The following FOXN3 variants were observed in gnomAD, a reference collection of about 807,000 sequenced individuals.
FOXN3 encodes forkhead box N3.
A neutral mutation model predicts 38.4 loss-of-function variants in FOXN3; 7 were observed. That is an observed-to-expected ratio of 0.18 (90% CI 0.10 to 0.34). The LOEUF (loss-of-function observed/expected upper bound fraction) is 0.34. Among genes scored for constraint, FOXN3 ranks in the 10% least tolerant of loss-of-function variants. The pLI, the probability that FOXN3 is intolerant of heterozygous loss-of-function variation, is 1.00. For missense variants in FOXN3, 456 were observed against 613.4 expected (o/e 0.74, Z 2.71); for synonymous variants, 230 against 242.2 (o/e 0.95, Z 0.47).
chr14:89,349,244 G>A (rs553004274), intron 3 of FOXN3, among the ~76,000 whole-genome samples: 1 of 152,288 alleles, frequency 6.6e-6, no homozygotes, highest in Non-Finnish European at 1.5e-5. Context: ...CCAAGCATAT[G>A]GCTCTGTCCT....
chr14:89,545,753 G>C (rs971453213), intron 1 of FOXN3, among the ~76,000 whole-genome samples: 3 of 152,152 alleles, frequency 2.0e-5, no homozygotes, highest in African/African-American at 7.2e-5. Context: ...TCAGGAGCTT[G>C]TGAAGGTAAC....
chr14:89,436,289 T>A (rs866916883), intron 1 of FOXN3, among the ~76,000 whole-genome samples: 2 of 134,820 alleles, frequency 1.5e-5, no homozygotes, highest in Non-Finnish European at 1.6e-5. Flanking sequence ...GTTTATTCAT[T>A]AAAAAAAAAA....
In FOXN3 at chr14:89,398,416, T is replaced by C. The variant is rs564828384; in HGVS notation, c.543+13518A>G. On this transcript the variant is annotated intron_variant, in intron 2 of 5. Transcript: ENST00000557258. ...AGAGTTCATAATTTCTGGTAATCGC[T>C]CAACCCTGTGATTACGGGCACTTTG... 2.6e-5 allele frequency among the ~76,000 whole-genome samples: 4 copies of C among 152,288 alleles called. No homozygotes were observed. The East Asian group carries it at 7.7e-4, about 29-fold the overall frequency.
chr14:89,522,485 T>C (rs910138365), intron 1 of FOXN3, among the ~76,000 whole-genome samples: 1 of 152,210 alleles, frequency 6.6e-6, no homozygotes, highest in Non-Finnish European at 1.5e-5. Flanking sequence ...TTTCTTATTA[T>C]TTTAAATATC....
intron 1 of FOXN3, among the ~76,000 whole-genome samples, chr14:89,541,791 T>C (rs1278686040): frequency 1.3e-5 from 2 of 152,148 alleles, no homozygotes. Flanking sequence ...TTTTGCTCCC[T>C]GCTCTGCCAC....
At chr14:89,267,360 T>C (rs759375274) in intron 4 of FOXN3, among the ~76,000 whole-genome samples, 1 of 152,158 alleles carries the variant, frequency 6.6e-6, no homozygotes, top group Non-Finnish European at 1.5e-5. Flanking sequence ...GCAGTGGTCA[T>C]AGCTGGGCTG....
At chr14:89,430,956 G>A (rs1373619321) in intron 1 of FOXN3, among the ~76,000 whole-genome samples, 1 of 152,242 alleles carries the variant, frequency 6.6e-6, no homozygotes, top group Non-Finnish European at 1.5e-5. Flanking sequence ...GGCAAATTAA[G>A]ACCCAGGCTC....
At chr14:89,254,621 T>A (rs1211470803) in intron 4 of FOXN3, among the ~76,000 whole-genome samples, 3 of 152,148 alleles carry the variant, frequency 2.0e-5, no homozygotes, top group Non-Finnish European at 2.9e-5. Context: ...AATTCAAATT[T>A]TCAAAATCAC....
chr14:89,346,700 T>G (rs1405239717), intron 3 of FOXN3, among the ~76,000 whole-genome samples: 1 of 152,162 alleles, frequency 6.6e-6, no homozygotes, highest in Non-Finnish European at 1.5e-5. Flanking sequence ...TTTTCCATGC[T>G]CTCATCTTTA....
chr14:89,167,265 A>G (rs575171073), intron 5 of FOXN3, among the ~76,000 whole-genome samples: 1 of 152,356 alleles, frequency 6.6e-6, no homozygotes, highest in South Asian at 2.1e-4. Flanking sequence ...GTCAAGGTGT[A>G]GGTTTACGAC....
chr14:89,412,395 C>G lies in FOXN3; in HGVS notation c.82G>C (p.Gly28Arg), dbSNP rs750005496. 1.2e-6 allele frequency: 2 copies of G among 1,614,116 alleles called. No homozygotes were observed. The highest frequency in any genetic ancestry group is 1.6e-4 in the Middle Eastern group (1 of 6,062). ...TGAAGGGCCTTGGAGAAACCGCTGC[C>G]CCCGTAACACTGACTCAGTCCACTG... is the stretch of plus-strand genomic sequence containing the variant. ...VSSGLSQCYGGSGFSKALQED... is the reference protein window; with the variant it reads ...VSSGLSQCYGRSGFSKALQED... Residue 28 changes from glycine (G) to arginine (R), a missense_variant, in exon 2 of 6, where the codon GGC becomes CGC. Physicochemically the swap from Gly to Arg is moderately radical, Grantham distance 125. This residue lies in a region of FOXN3 where 59 missense variants were observed against 69.0 expected (regional missense o/e 0.85). Transcript: ENST00000557258. This position sits in a 1 kb window ranked among gnomAD's most constrained non-coding sequence, Gnocchi z 4.7.
chr14:89,444,227 G>A (rs1892448960), intron 1 of FOXN3, among the ~76,000 whole-genome samples: 1 of 151,900 alleles, frequency 6.6e-6, no homozygotes, highest in African/African-American at 2.4e-5. Context: ...GAAATATAGA[G>A]GAATTGAAAT....
intron 3 of FOXN3, among the ~76,000 whole-genome samples, chr14:89,283,030 C>T (rs1886508588): frequency 6.6e-6 from 1 of 152,220 alleles, no homozygotes; most frequent in South Asian, 2.1e-4. Flanking sequence ...CTGGCCACCA[C>T]CTTCTCTTTC....
intron 2 of FOXN3, among the ~76,000 whole-genome samples, chr14:89,375,281 T>C (rs756213363): frequency 2.4e-4 from 36 of 152,336 alleles, no homozygotes; most frequent in Middle Eastern, 3.4e-3. Flanking sequence ...GTTGTTATTA[T>C]ATGTAAATTA....
In FOXN3 at chr14:89,412,472, C is replaced by T. The variant is rs1566646117; in HGVS notation, c.5G>A (p.Gly2Asp). ...CTTCTTACTGGGAGGCATGACTGGA[C>T]CCATTTACGTGAAGGCTCCTAGTAA... is the stretch of plus-strand genomic sequence containing the variant. M[G>D]PVMPPSKKPE... The change falls in exon 2 of 6, where the codon GGT becomes GAT. Residue 2 changes from glycine to aspartate, a missense_variant. Physicochemically the swap from Gly to Asp is moderately conservative, Grantham distance 94. This residue lies in a region of FOXN3 where 59 missense variants were observed against 69.0 expected (regional missense o/e 0.85). Coordinates refer to ENST00000557258, the MANE Select transcript of FOXN3 (RefSeq NM_005197.4). The surrounding 1 kb of genome is among the most constrained non-coding windows in gnomAD (Gnocchi z 4.7). 1 of 1,597,190 alleles carries T rather than the reference C, an allele frequency of 6.3e-7. No individual in the cohort carries two copies. Among genetic ancestry groups the T allele is most frequent in the Non-Finnish European group, 8.5e-7 (1 of 1,170,408 alleles).
At chr14:89,282,320 G>C (rs1208284742) in intron 3 of FOXN3, among the ~76,000 whole-genome samples, 2 of 152,124 alleles carry the variant, frequency 1.3e-5, no homozygotes, top group African/African-American at 4.8e-5. Context: ...AATTAAATGA[G>C]CATCACGCAT....
intron 3 of FOXN3, among the ~76,000 whole-genome samples, chr14:89,305,964 A>C (rs1183996303): frequency 6.6e-6 from 1 of 152,262 alleles, no homozygotes; most frequent in African/African-American, 2.4e-5. Flanking sequence ...GATGAAAAGA[A>C]GCAGCTGAGA....
chr14:89,226,693 T>C (rs1884650821), intron 4 of FOXN3, among the ~76,000 whole-genome samples: 1 of 152,186 alleles, frequency 6.6e-6, no homozygotes, highest in African/African-American at 2.4e-5. Context: ...CTGGTCTTAT[T>C]TGGAATCAGG....
chr14:89,231,455 G>T (rs1315082750), intron 4 of FOXN3, among the ~76,000 whole-genome samples: 1 of 152,160 alleles, frequency 6.6e-6, no homozygotes, highest in African/African-American at 2.4e-5. Flanking sequence ...TAACAAGCCA[G>T]GTGATCCAAG....
Sources: allele counts gnomAD v4.1 joint callset (sites outside exome capture counted in the v4.1 genomes callset), GRCh38; gene constraint gnomAD v4.1.1; regional missense constraint gnomAD v4.1.1; non-coding constraint Gnocchi (gnomAD v3.1); transcripts MANE v1.5; gene names NCBI Gene and HGNC (gene_info 2026-07-23, HGNC 2026-07-21).